TAMM41: variants seen among roughly 807,000 people sequenced by gnomAD.
TAMM41 encodes TAM41 mitochondrial translocator assembly and maintenance homolog.
A neutral mutation model predicts 44.1 loss-of-function variants in TAMM41; 36 were observed. That is an observed-to-expected ratio of 0.82 (90% CI 0.63 to 1.08). The LOEUF is 1.08. Among genes scored for constraint, TAMM41 ranks in the 50% least tolerant of loss-of-function variants. The probability of loss-of-function intolerance (pLI) is 0.00; values close to 1 mark genes in which losing one functional copy is unlikely to be tolerated. For missense variants in TAMM41, 417 were observed against 404.3 expected, an observed-to-expected ratio of 1.03 and a Z score of -0.27; for synonymous variants, 164 against 153.1, an observed-to-expected ratio of 1.07 and a Z score of -0.53.
At chr3:11,722,168 C>A in the TAMM41 span, among the ~76,000 whole-genome samples, 2 of 152,114 alleles carry the variant, frequency 1.3e-5, no homozygotes, top group Non-Finnish European at 2.9e-5. Flanking sequence ...CTGCTTGGAG[C>A]GAACCTTACT....
chr3:11,834,339 C>T (rs1383087016), intron 3 of TAMM41, among the ~76,000 whole-genome samples: 1 of 151,998 alleles, frequency 6.6e-6, no homozygotes, highest in Non-Finnish European at 1.5e-5. Flanking sequence ...GCAAAAAAAC[C>T]ACTGCATGTC....
chr3:11,782,148 A>C, the TAMM41 span, among the ~76,000 whole-genome samples: 1 of 152,248 alleles, frequency 6.6e-6, no homozygotes, highest in Non-Finnish European at 1.5e-5. Context: ...GGGGTGTGAT[A>C]CTGGAAAGTG....
At chr3:11,769,109 A>C in the TAMM41 span, among the ~76,000 whole-genome samples, 1 of 152,102 alleles carries the variant, frequency 6.6e-6, no homozygotes, top group Non-Finnish European at 1.5e-5. Context: ...GCATCCATCT[A>C]CAAACAGTCT....
intron 4 of TAMM41, among the ~76,000 whole-genome samples, chr3:11,827,702 T>TA (rs2078815640): frequency 6.8e-6 from 1 of 147,484 alleles, no homozygotes; most frequent in African/African-American, 2.5e-5. Flanking sequence ...TAAAAAAAGA[T>TA]AAAGCTTTCT....
chr3:11,733,012 G>GTT, the TAMM41 span, among the ~76,000 whole-genome samples: 1 of 138,866 alleles, frequency 7.2e-6, no homozygotes, highest in Non-Finnish European at 1.5e-5. Context: ...TTGTTTGTTT[G>GTT]TTTTGAGATG....
downstream of TAMM41, among the ~76,000 whole-genome samples, chr3:11,790,245 T>C (rs1276946287): frequency 6.6e-6 from 1 of 152,234 alleles, no homozygotes; most frequent in East Asian, 1.9e-4. Context: ...ACCTACAGAA[T>C]GCAGGACAGG....
chr3:11,742,931 G>A, the TAMM41 span, among the ~76,000 whole-genome samples: 29 of 152,182 alleles, frequency 1.9e-4, no homozygotes, highest in South Asian at 6.0e-3. Context: ...TATGACTGGG[G>A]AGCTCTCTCC....
At chr3:11,804,917 T>C (rs1029849097) in intron 7 of TAMM41, among the ~76,000 whole-genome samples, 1 of 150,918 alleles carries the variant, frequency 6.6e-6, no homozygotes, top group Non-Finnish European at 1.5e-5. Context: ...CAGACTGAAG[T>C]GCAGTGGTGC....
In TAMM41 at chr3:11,845,226, T is replaced by C. The variant is rs1448909079; in HGVS notation, c.136-1015A>G. 1.5e-5 allele frequency: 5 copies of C among 333,696 alleles called. No homozygotes were observed. The Admixed American group carries it at 2.1e-4, about 14-fold the overall frequency. The allele number at this position is 333,696 out of a possible 1,614,324, so 20.7% of individuals were successfully genotyped here. On this transcript the variant is annotated intron_variant, in intron 1 of 7. Transcript: ENST00000455809. ...ACTAAGGGGGTGGGGGAATTAGATCTGAAGCCATGGCAAGATTCCAGGGGA... is the reference window on the plus strand; with the variant it reads ...ACTAAGGGGGTGGGGGAATTAGATCCGAAGCCATGGCAAGATTCCAGGGGA...
chr3:11,727,895 T>C, the TAMM41 span, among the ~76,000 whole-genome samples: 1 of 151,796 alleles, frequency 6.6e-6, no homozygotes, highest in Non-Finnish European at 1.5e-5. Context: ...CAAGTGATTC[T>C]CCTGCCTCAG....
the TAMM41 span, among the ~76,000 whole-genome samples, chr3:11,725,564 G>A: frequency 1.3e-5 from 2 of 151,858 alleles, no homozygotes; most frequent in African/African-American, 4.8e-5. Context: ...TCAGCCTCCT[G>A]AGTAGCTGGG....
chr3:11,764,024 G>C, the TAMM41 span, among the ~76,000 whole-genome samples: 5 of 152,092 alleles, frequency 3.3e-5, no homozygotes, highest in Admixed American at 6.6e-5. Context: ...TTGTTGTTGA[G>C]ACAGTGTCTA....
chr3:11,797,640 G>A (rs1174967277), intron 7 of TAMM41, among the ~76,000 whole-genome samples: 2 of 152,142 alleles, frequency 1.3e-5, no homozygotes, highest in African/African-American at 4.8e-5. Context: ...TTTTAAATGG[G>A]ATCTAATTAA....
intron 7 of TAMM41, among the ~76,000 whole-genome samples, chr3:11,797,602 C>T (rs1438373917): frequency 6.6e-6 from 1 of 152,034 alleles, no homozygotes; most frequent in African/African-American, 2.4e-5. Context: ...GACAAAGATG[C>T]CAAAAGCAAT....
the TAMM41 span, among the ~76,000 whole-genome samples, chr3:11,766,033 A>G: frequency 6.6e-6 from 1 of 152,076 alleles, no homozygotes; most frequent in African/African-American, 2.4e-5. Flanking sequence ...TCCATCCAAA[A>G]CTTTGGTCAG....
At chr3:11,741,952 C>T in the TAMM41 span, among the ~76,000 whole-genome samples, 435 of 150,290 alleles carry the variant, frequency 2.9e-3, 18 homozygotes, top group Non-Finnish European at 4.9e-3. Context: ...GGATTATTCA[C>T]GTCCTGAGCA....
Position 11,796,505 on chromosome 3 carries a change from G to A in TAMM41, c.938-5924C>T, listed in dbSNP as rs2077609886. Among the ~76,000 whole-genome samples the A allele has an allele frequency of 2.0e-5, 3 of 152,160 alleles. No homozygotes were observed. The South Asian group carries it at 6.2e-4, about 32-fold the overall frequency. ...ACTGAATTTGACCTTTGTATTGGCT[G>A]GCTAAGGGGAAGACCAAATCTTCCT... On this transcript the variant is annotated intron_variant, in intron 7 of 7. Coordinates refer to ENST00000455809, the MANE Select transcript of TAMM41 (RefSeq NM_001284401.2).
the TAMM41 span, among the ~76,000 whole-genome samples, chr3:11,760,487 A>T: frequency 1.3e-5 from 2 of 152,206 alleles, no homozygotes; most frequent in African/African-American, 4.8e-5. Flanking sequence ...TTTATAAAAG[A>T]AATGGATGAT....
intron 7 of TAMM41, among the ~76,000 whole-genome samples, chr3:11,794,148 AT>A (rs746651341): frequency 1.5e-3 from 173 of 112,100 alleles, no homozygotes; most frequent in East Asian, 1.6e-3. Context: ...ACTTTCTTCA[AT>A]TTTTTTTTTT....
Sources: gnomAD v4.1 joint callset for allele counts (sites outside exome capture counted in the v4.1 genomes callset) on GRCh38, gnomAD v4.1.1 for gene constraint, MANE v1.5 for transcripts, NCBI Gene and HGNC (gene_info 2026-07-23, HGNC 2026-07-21) for gene names.